The following IKZF3 variants were observed in gnomAD, a reference collection of about 807,000 sequenced individuals.
IKZF3 encodes the protein zinc finger protein Aiolos.
In IKZF3, 10 loss-of-function variants were observed where a neutral mutation model predicts 49.0. The observed-to-expected ratio is 0.20, with a 90% CI of 0.13 to 0.35. The LOEUF (loss-of-function observed/expected upper bound fraction) is 0.35, where lower values mean the gene tolerates loss of function less well. IKZF3 is among the 10% of genes least tolerant of loss of function. The probability of loss-of-function intolerance (pLI) is 1.00; values close to 1 mark genes in which losing one functional copy is unlikely to be tolerated. For synonymous variants in IKZF3, 209 were observed against 228.2 expected (o/e 0.92, Z 0.76); for missense variants, 498 against 664.8 (o/e 0.75, Z 2.76).
In IKZF3 at chr17:39,847,082, TA is replaced by T. The variant is rs1328916455; in HGVS notation, c.8-14932del. On this transcript the variant is annotated intron_variant, in intron 1 of 7. Coordinates refer to ENST00000346872, the MANE Select transcript of IKZF3 (RefSeq NM_012481.5). ...AAAATGTTCACTTTTACTTTATAAT[TA>T]AAAGTTTTAGAAATTGAGGCACTGA... 1.7e-4 allele frequency among the ~76,000 whole-genome samples: 26 copies of T among 152,288 alleles called. 1 individual carries two copies. The highest frequency in any genetic ancestry group is 4.6e-4 in the Admixed American group (7 of 15,296).
At chr17:39,848,525 C>T (rs1467836037) in intron 1 of IKZF3, among the ~76,000 whole-genome samples, 1 of 152,114 alleles carries the variant, frequency 6.6e-6, no homozygotes, top group Admixed American at 6.5e-5. Flanking sequence ...TGTTTTATAA[C>T]TGTAAAATGC....
intron 7 of IKZF3, 142 bp downstream of exon 7, chr17:39,777,509 C>A (rs1158450739): frequency 5.2e-6 from 3 of 581,582 alleles, no homozygotes; most frequent in East Asian, 2.9e-5. Flanking sequence ...TCAGAATGAA[C>A]CATGAAGAAT....
intron 1 of IKZF3, among the ~76,000 whole-genome samples, chr17:39,848,653 C>T (rs28537796): frequency 0.058 from 8,802 of 151,230 alleles, 401 homozygotes; most frequent in African/African-American, 0.13. Context: ...ACAGAATATT[C>T]TCATGACCCT....
At chr17:39,838,159 A>G (rs1345639541) in intron 1 of IKZF3, among the ~76,000 whole-genome samples, 1 of 152,064 alleles carries the variant, frequency 6.6e-6, no homozygotes, top group Non-Finnish European at 1.5e-5. Flanking sequence ...TTTTCACCAA[A>G]CTTAAGAAAT....
chr17:39,839,847 T>TG, intron 1 of IKZF3, among the ~76,000 whole-genome samples: 1 of 151,596 alleles, frequency 6.6e-6, no homozygotes, highest in East Asian at 1.9e-4. Flanking sequence ...TTCTGTAGAG[T>TG]GGGGGTCTCG....
chr17:39,811,011 G>A (rs908890075), intron 3 of IKZF3, among the ~76,000 whole-genome samples: 2 of 152,082 alleles, frequency 1.3e-5, no homozygotes, highest in Non-Finnish European at 2.9e-5. Flanking sequence ...AGACCAAGGC[G>A]AGAAGATCAC....
chr17:39,791,380 C>A, intron 5 of IKZF3, 36 bp downstream of exon 5: 1 of 1,607,246 alleles, frequency 6.2e-7, no homozygotes, highest in East Asian at 2.2e-5. Flanking sequence ...GAGGAATGCA[C>A]TTCCTAGACA....
chr17:39,791,678 A>T, intron 4 of IKZF3, 95 bp from the exon 5 acceptor site: 12 of 1,259,978 alleles, frequency 9.5e-6, no homozygotes, highest in Non-Finnish European at 1.2e-5. Context: ...CATCTTTTAG[A>T]CAATTACTGT....
intron 1 of IKZF3, among the ~76,000 whole-genome samples, chr17:39,848,720 G>A (rs1238149560): frequency 6.6e-6 from 1 of 152,110 alleles, no homozygotes; most frequent in Non-Finnish European, 1.5e-5. Context: ...TCACTCTGTT[G>A]CACAGGCTGG....
chr17:39,803,543 C>T lies in IKZF3; in HGVS notation c.164-10610G>A, dbSNP rs537760496. ...TTTTTTTTTTTTTGAGACAGAGTTT[C>T]GCTCTTGTTGCCCAGGCTGGAGTGC... On this transcript the variant is annotated intron_variant, in intron 3 of 7. Transcript: ENST00000346872. 8.8e-3 allele frequency among the ~76,000 whole-genome samples: 1,271 copies of T among 143,678 alleles called. 19 individuals carry two copies. Among genetic ancestry groups the T allele is most frequent in the African/African-American group, 0.032 (1,215 of 38,160 alleles). The allele number at this position is 143,678 out of a possible 152,430, so 94.3% of individuals were successfully genotyped here. A position where few individuals can be genotyped will look rare whatever the true frequency, so the allele number is the denominator to read the frequency against.
intron 5 of IKZF3, among the ~76,000 whole-genome samples, chr17:39,788,981 A>G (rs1022522512): frequency 6.6e-6 from 1 of 152,172 alleles, no homozygotes; most frequent in African/African-American, 2.4e-5. Context: ...TCTATCACCC[A>G]GGCTTGGGTG....
chr17:39,809,791 A>T (rs1229400092), intron 3 of IKZF3, among the ~76,000 whole-genome samples: 1 of 152,240 alleles, frequency 6.6e-6, no homozygotes, highest in Non-Finnish European at 1.5e-5. Context: ...AAATTAAAAG[A>T]TTGACATAGA....
At chr17:39,791,859 T>C (rs1336616454) in intron 4 of IKZF3, among the ~76,000 whole-genome samples, 1 of 151,900 alleles carries the variant, frequency 6.6e-6, no homozygotes, top group Admixed American at 6.6e-5. Flanking sequence ...GATCTAAGTT[T>C]TTATATTACT....
chr17:39,765,472 T>G lies in IKZF3; in HGVS notation c.*318A>C. ...GGTTGATATATCTCAGAAAGAATGT[T>G]TCATATAGCACATCTCCGGGACCAC... On this transcript the variant is annotated 3_prime_UTR_variant, in exon 8 of 8. Coordinates refer to ENST00000346872, the MANE Select transcript of IKZF3 (RefSeq NM_012481.5). The G allele has an allele frequency of 4.5e-6, 1 of 220,552 alleles. No homozygotes were observed. The allele number at this position is 220,552 out of a possible 1,614,324, so 13.7% of individuals were successfully genotyped here.
intron 7 of IKZF3, among the ~76,000 whole-genome samples, chr17:39,774,542 G>A (rs1195451793): frequency 4.6e-5 from 7 of 152,060 alleles, no homozygotes; most frequent in Admixed American, 1.3e-4. Context: ...TTCTCCCTCC[G>A]TTGACATTAC....
At chr17:39,828,307 T>C (rs1368747031) in intron 3 of IKZF3, among the ~76,000 whole-genome samples, 1 of 152,218 alleles carries the variant, frequency 6.6e-6, no homozygotes, top group Non-Finnish European at 1.5e-5. Flanking sequence ...TCCGTACCTG[T>C]GTAACCCTAT....
intron 5 of IKZF3, among the ~76,000 whole-genome samples, chr17:39,789,784 C>T (rs1316187883): frequency 6.6e-6 from 1 of 151,188 alleles, no homozygotes; most frequent in South Asian, 2.1e-4. Context: ...ATCTATAATC[C>T]CAGCTACTAG....
chr17:39,814,411 G>C (rs1568012194), intron 3 of IKZF3, among the ~76,000 whole-genome samples: 1 of 152,144 alleles, frequency 6.6e-6, no homozygotes, highest in African/African-American at 2.4e-5. Flanking sequence ...GATGGGTATT[G>C]GGTCTATTTG....
At chr17:39,805,681 C>A (rs1598064480) in intron 3 of IKZF3, among the ~76,000 whole-genome samples, 1 of 152,138 alleles carries the variant, frequency 6.6e-6, no homozygotes, top group African/African-American at 2.4e-5. Context: ...TAAAAGCACA[C>A]AAGGGAATGA....
Sources: allele counts gnomAD v4.1 joint callset (sites outside exome capture counted in the v4.1 genomes callset), GRCh38; gene constraint gnomAD v4.1.1; transcripts MANE v1.5; gene names NCBI Gene and HGNC (gene_info 2026-07-23, HGNC 2026-07-21).